FSTL5: variants seen among roughly 807,000 people sequenced by gnomAD.
The protein encoded by FSTL5 is follistatin like 5, also known as follistatin-related protein 5.
FSTL5 carries 62 observed loss-of-function variants against 89.1 expected under a neutral mutation model. That is an observed-to-expected ratio of 0.70 (90% CI 0.57 to 0.86). The LOEUF is 0.86. Among genes scored for constraint, FSTL5 ranks in the 40% least tolerant of loss-of-function variants. The pLI is 0.00. For missense variants in FSTL5, 1,057 were observed against 1,001.6 expected, an observed-to-expected ratio of 1.06 and a Z score of -0.75; for synonymous variants, 383 against 346.2, an observed-to-expected ratio of 1.11 and a Z score of -1.18.
intron 8 of FSTL5, among the ~76,000 whole-genome samples, chr4:161,560,973 G>A (rs952731551): frequency 1.3e-5 from 2 of 151,820 alleles, no homozygotes; most frequent in African/African-American, 4.8e-5. Context: ...ATACATAATT[G>A]TATATGCCAT....
chr4:161,642,308 A>C (rs1048478155), intron 7 of FSTL5, among the ~76,000 whole-genome samples: 1 of 152,194 alleles, frequency 6.6e-6, no homozygotes, highest in Non-Finnish European at 1.5e-5. Flanking sequence ...GATTTCCAGA[A>C]CTTATCTTGC....
At chr4:161,546,281 ATATATACATAT>A (rs1437229367) in intron 8 of FSTL5, among the ~76,000 whole-genome samples, 10 of 134,528 alleles carry the variant, frequency 7.4e-5, no homozygotes, top group African/African-American at 3.0e-4. Flanking sequence ...TATGCATATT[ATATATACATAT>A]TATATATATA....
At chr4:161,928,562 T>G (rs1298889338) in intron 3 of FSTL5, among the ~76,000 whole-genome samples, 1 of 151,858 alleles carries the variant, frequency 6.6e-6, no homozygotes, top group East Asian at 1.9e-4. Context: ...TTCGTTGTTC[T>G]ATATCCTCAT....
In FSTL5 at chr4:162,153,684, TATA is replaced by T. The variant is rs1414984065; in HGVS notation, c.-17+9928_-17+9930del. ...ATAATATATGTATATTATATATGTA[TATA>T]ATAATATATATGTATATTATATATG... On this transcript the variant is annotated intron_variant, in intron 1 of 15. Transcript: ENST00000306100. 8.4e-5 allele frequency among the ~76,000 whole-genome samples: 11 copies of T among 130,902 alleles called. 1 individual carries two copies. The highest frequency in any genetic ancestry group is 4.3e-4 in the East Asian group (2 of 4,688). The allele number at this position is 130,902 out of a possible 152,430, so 85.9% of individuals were successfully genotyped here.
chr4:161,843,233 G>T (rs1023990479), intron 4 of FSTL5, among the ~76,000 whole-genome samples: 1 of 152,132 alleles, frequency 6.6e-6, no homozygotes, highest in Non-Finnish European at 1.5e-5. Context: ...GCTTAGGATT[G>T]TCTTGGCTAT....
intron 15 of FSTL5, among the ~76,000 whole-genome samples, chr4:161,400,688 G>T (rs557269293): frequency 1.8e-4 from 28 of 152,222 alleles, no homozygotes; most frequent in African/African-American, 6.7e-4. Flanking sequence ...AACATTGACA[G>T]TGTTATAACC....
At chr4:161,794,718 A>T (rs1198082779) in intron 4 of FSTL5, among the ~76,000 whole-genome samples, 1 of 152,098 alleles carries the variant, frequency 6.6e-6, no homozygotes, top group African/African-American at 2.4e-5. Context: ...CCTTCTTTTA[A>T]ACCATGTCAT....
At position 161,775,992 on chromosome 4, in the gene FSTL5, T is replaced by C. The variant is rs958626715; in HGVS notation, c.492A>G (p.Glu164=). 15 of 1,600,522 alleles carry C rather than the reference T, an allele frequency of 9.4e-6. No individual in the cohort carries two copies. Among genetic ancestry groups the C allele is most frequent in the Non-Finnish European group, 1.3e-5 (15 of 1,169,928 alleles). The change falls in exon 5 of 16, where the codon GAA becomes GAG. Residue 164 remains glutamate, a synonymous_variant. Coordinates refer to ENST00000306100, the MANE Select transcript of FSTL5 (RefSeq NM_020116.5). ...TGTCGTCGCCATTAGGATTTTCATT[T>C]TCTTGCATAATATATTTTTGATTTT... is the stretch of plus-strand genomic sequence containing the variant. ...DLQNQKYIMQ[E]NENPNGDDIS...
intron 10 of FSTL5, among the ~76,000 whole-genome samples, chr4:161,519,151 T>C (rs1435358921): frequency 3.3e-5 from 5 of 152,196 alleles, no homozygotes; most frequent in Admixed American, 3.3e-4. Context: ...TTATGTGTGA[T>C]AGAGACATTT....
At chr4:161,567,081 T>C (rs1299005106) in intron 8 of FSTL5, among the ~76,000 whole-genome samples, 2 of 152,094 alleles carry the variant, frequency 1.3e-5, no homozygotes, top group Non-Finnish European at 2.9e-5. Flanking sequence ...ATTCCAGTCA[T>C]AACTTGTGAT....
chr4:161,668,793 A>T (rs969689958), intron 6 of FSTL5, among the ~76,000 whole-genome samples: 2 of 152,174 alleles, frequency 1.3e-5, no homozygotes, highest in African/African-American at 4.8e-5. Context: ...AAAAAATTTT[A>T]AAACTTGGAT....
chr4:161,713,782 A>G (rs560802374), intron 6 of FSTL5, among the ~76,000 whole-genome samples: 1 of 152,204 alleles, frequency 6.6e-6, no homozygotes, highest in South Asian at 2.1e-4. Context: ...TTCTGTGATC[A>G]TATTTTCATT....
intron 8 of FSTL5, among the ~76,000 whole-genome samples, chr4:161,544,192 T>C (rs941163559): frequency 1.3e-5 from 2 of 151,908 alleles, no homozygotes; most frequent in Non-Finnish European, 2.9e-5. Flanking sequence ...ATGATACCAC[T>C]TCACACCCTC....
intron 4 of FSTL5, among the ~76,000 whole-genome samples, chr4:161,789,268 A>G (rs1156703532): frequency 6.6e-6 from 1 of 151,934 alleles, no homozygotes; most frequent in East Asian, 1.9e-4. Context: ...TCATATACTG[A>G]TTCTTAGTAT....
intron 4 of FSTL5, among the ~76,000 whole-genome samples, chr4:161,786,751 A>G (rs772150710): frequency 7.2e-5 from 11 of 152,062 alleles, no homozygotes; most frequent in Admixed American, 2.6e-4. Flanking sequence ...ATATTTCCCA[A>G]TAATGTAACC....
chr4:161,678,171 C>T (rs759220520), intron 6 of FSTL5, among the ~76,000 whole-genome samples: 3 of 151,474 alleles, frequency 2.0e-5, no homozygotes, highest in Non-Finnish European at 3.0e-5. Flanking sequence ...ATATATGATA[C>T]TTACTATATA....
At chr4:161,704,873 C>G (rs935681014) in intron 6 of FSTL5, among the ~76,000 whole-genome samples, 26 of 152,034 alleles carry the variant, frequency 1.7e-4, no homozygotes, top group Admixed American at 4.6e-4. Flanking sequence ...AGGTGCAGTC[C>G]TCTGTGTTTT....
intron 1 of FSTL5, among the ~76,000 whole-genome samples, chr4:162,137,450 C>A (rs1245517083): frequency 6.7e-6 from 1 of 149,048 alleles, no homozygotes; most frequent in South Asian, 2.1e-4. Flanking sequence ...TGGCTAGTGG[C>A]CACATACCAC....
chr4:161,543,302 C>T (rs1196980239), intron 8 of FSTL5, among the ~76,000 whole-genome samples: 1 of 151,828 alleles, frequency 6.6e-6, no homozygotes, highest in African/African-American at 2.4e-5. Context: ...TCCGAAGACA[C>T]TTTGTATTCC....
Sources: gnomAD v4.1 joint callset for allele counts (sites outside exome capture counted in the v4.1 genomes callset) on GRCh38, gnomAD v4.1.1 for gene constraint, MANE v1.5 for transcripts, NCBI Gene and HGNC (gene_info 2026-07-23, HGNC 2026-07-21) for gene names.